ALOX5AP: variants seen among roughly 807,000 people sequenced by gnomAD.
ALOX5AP encodes arachidonate 5-lipoxygenase activating protein.
Under a neutral mutation model 18.5 loss-of-function variants are expected in ALOX5AP, and 9 were observed. The observed-to-expected ratio is 0.49, with a 90% CI of 0.29 to 0.85. The LOEUF is 0.85. ALOX5AP is among the 40% of genes least tolerant of loss of function. The pLI is 0.08. For missense variants in ALOX5AP, 172 were observed against 202.5 expected (o/e 0.85, Z 0.91); for synonymous variants, 81 against 78.6 (o/e 1.03, Z -0.16).
chr13:30,754,205 C>T (rs1016624859), intron 3 of ALOX5AP, among the ~76,000 whole-genome samples: 4 of 152,088 alleles, frequency 2.6e-5, no homozygotes, highest in African/African-American at 9.7e-5. Context: ...CACCATTGCA[C>T]TCCAGCCTGG....
chr13:30,735,692 A>C lies in ALOX5AP; in HGVS notation c.70+17A>C. Reference sequence around the variant, plus strand: ...TCCAGAATGGTAAGGAAAGCCCTTCACTCAGGGAAGAACAGAAGGGGAGAT... The same window carrying C: ...TCCAGAATGGTAAGGAAAGCCCTTCCCTCAGGGAAGAACAGAAGGGGAGAT... On this transcript the variant is annotated intron_variant, in intron 1 of 4. Transcript: ENST00000380490. The C allele has an allele frequency of 6.2e-7, 1 of 1,613,832 alleles. No homozygotes were observed. Among genetic ancestry groups the C allele is most frequent in the Non-Finnish European group, 8.5e-7 (1 of 1,179,834 alleles).
chr13:30,752,913 G>A (rs189416050), intron 3 of ALOX5AP, among the ~76,000 whole-genome samples: 1 of 152,358 alleles, frequency 6.6e-6, no homozygotes, highest in East Asian at 1.9e-4. Context: ...TACTCAGCTG[G>A]TGAAGAACAC....
intron 1 of ALOX5AP, chr13:30,713,879 C>T (rs1440729397): frequency 6.6e-7 from 1 of 1,524,526 alleles, no homozygotes; most frequent in Non-Finnish European, 8.8e-7. Context: ...CATGTGTGTG[C>T]ATCTTCTACC....
At chr13:30,758,789 T>C (rs1951917402) in intron 4 of ALOX5AP, among the ~76,000 whole-genome samples, 1 of 151,582 alleles carries the variant, frequency 6.6e-6, no homozygotes. Context: ...TCTTTTCCCC[T>C]TCCCTTCCCT....
chr13:30,714,971 A>G (rs1951538591), intron 1 of ALOX5AP, among the ~76,000 whole-genome samples: 1 of 152,158 alleles, frequency 6.6e-6, no homozygotes, highest in Non-Finnish European at 1.5e-5. Flanking sequence ...GGAAGGGGTC[A>G]TCTCTCTGGC....
At chr13:30,724,873 G>A (rs576132948) in intron 1 of ALOX5AP, among the ~76,000 whole-genome samples, 8 of 152,202 alleles carry the variant, frequency 5.3e-5, no homozygotes, top group Non-Finnish European at 7.3e-5. Context: ...TAGTACAGGC[G>A]CTTGGCCTGG....
rs369636483 is a variant in ALOX5AP, at chr13:30,713,841, G to GGT, written c.116+14_116+15dup. On this transcript the variant is annotated frameshift_variant and splice_region_variant. Transcript: ENST00000617770. LOFTEE classifies it high-confidence loss of function. Reference sequence around the variant, plus strand: ...ATTGGGAACATAAGCCATCAGTGCTGGTGTGTGTGTGTGTGCGCGCACACG... The same window carrying GGT: ...ATTGGGAACATAAGCCATCAGTGCTGGTGTGTGTGTGTGTGTGCGCGCACACG... 452 of 1,430,938 alleles carry GGT rather than the reference G, an allele frequency of 3.2e-4. No individual in the cohort carries two copies. The highest frequency in any genetic ancestry group is 1.7e-3 in the African/African-American group (109 of 65,190). The allele number at this position is 1,430,938 out of a possible 1,614,324, so 88.6% of individuals were successfully genotyped here.
At chr13:30,763,862 C>A in intron 4 of ALOX5AP, 82 bp from the exon 5 acceptor site, 3 of 1,336,216 alleles carry the variant, frequency 2.2e-6, no homozygotes, top group Non-Finnish European at 3.1e-6. Flanking sequence ...CCCCATATAT[C>A]TAAAAGGGGT....
At chr13:30,747,205 C>T (rs1951816243) in intron 2 of ALOX5AP, among the ~76,000 whole-genome samples, 1 of 152,210 alleles carries the variant, frequency 6.6e-6, no homozygotes, top group African/African-American at 2.4e-5. Context: ...AAGACAGAGT[C>T]ACACTCTGTT....
chr13:30,731,575 C>T (rs543448303), upstream of ALOX5AP, among the ~76,000 whole-genome samples: 25 of 152,196 alleles, frequency 1.6e-4, no homozygotes, highest in South Asian at 3.7e-3. Flanking sequence ...TGCTATGTTG[C>T]CCAGGCTGTT....
chr13:30,731,143 C>T (rs536185761), upstream of ALOX5AP, among the ~76,000 whole-genome samples: 1 of 152,104 alleles, frequency 6.6e-6, no homozygotes, highest in Non-Finnish European at 1.5e-5. Context: ...TATATGTCTT[C>T]CTTTCTTTCC....
intron 2 of ALOX5AP, among the ~76,000 whole-genome samples, chr13:30,745,636 A>C (rs371812937): frequency 1.3e-5 from 2 of 152,266 alleles, no homozygotes; most frequent in East Asian, 3.8e-4. Flanking sequence ...AATCAATTTA[A>C]GATGTTTAAA....
intron 1 of ALOX5AP, among the ~76,000 whole-genome samples, chr13:30,737,045 A>G (rs9315044): frequency 0.06 from 9,160 of 152,308 alleles, 727 homozygotes; most frequent in African/African-American, 0.18. Flanking sequence ...CAGTCTCTGC[A>G]AAGGTAGCTG....
chr13:30,735,560 T>G lies in ALOX5AP; in HGVS notation c.-46T>G. 1 of 1,612,558 alleles carries G rather than the reference T, an allele frequency of 6.2e-7. No individual in the cohort carries two copies. On this transcript the variant is annotated 5_prime_UTR_variant, in exon 1 of 5. Coordinates refer to ENST00000380490, the MANE Select transcript of ALOX5AP (RefSeq NM_001629.4). ...TCCCCTTCCTGTACAGGGCAGGTTG[T>G]GCAGCTGGAGGCAGAGCAGTCCTCT...
chr13:30,738,686 C>T (rs1295918163), intron 1 of ALOX5AP, among the ~76,000 whole-genome samples: 1 of 152,162 alleles, frequency 6.6e-6, no homozygotes, highest in East Asian at 1.9e-4. Context: ...GAAATGTGAG[C>T]TGAGGGGAGG....
chr13:30,746,206 G>A (rs1305899293), intron 2 of ALOX5AP, among the ~76,000 whole-genome samples: 3 of 152,244 alleles, frequency 2.0e-5, no homozygotes, highest in Non-Finnish European at 2.9e-5. Context: ...CACAGTCGTT[G>A]TGGGGTGCCA....
intron 1 of ALOX5AP, among the ~76,000 whole-genome samples, chr13:30,738,625 A>G (rs192330418): frequency 1.7e-3 from 252 of 152,304 alleles, no homozygotes; most frequent in Admixed American, 4.9e-3. Context: ...CAGCTTAGAC[A>G]TGATGCAAAC....
intron 1 of ALOX5AP, among the ~76,000 whole-genome samples, chr13:30,716,146 C>T (rs971691427): frequency 6.6e-6 from 1 of 152,198 alleles, no homozygotes; most frequent in African/African-American, 2.4e-5. Flanking sequence ...TTTCTTATTT[C>T]ACAACCTTCT....
chr13:30,729,860 G>C (rs1000006854), intron 1 of ALOX5AP, among the ~76,000 whole-genome samples: 11 of 151,922 alleles, frequency 7.2e-5, no homozygotes, highest in African/African-American at 2.7e-4. Flanking sequence ...ATAGGCATGA[G>C]CCACCGTGCC....
Sources: gnomAD v4.1 joint callset for allele counts (sites outside exome capture counted in the v4.1 genomes callset) on GRCh38, gnomAD v4.1.1 for gene constraint, MANE v1.5 for transcripts, NCBI Gene and HGNC (gene_info 2026-07-23, HGNC 2026-07-21) for gene names.